The following TLK1 variants were observed in gnomAD, a reference collection of about 807,000 sequenced individuals.
TLK1 encodes tousled like kinase 1, also known as serine/threonine-protein kinase tousled-like 1.
Under a neutral mutation model 105.3 loss-of-function variants are expected in TLK1, and 24 were observed. The observed-to-expected ratio is 0.23, with a 90% CI of 0.17 to 0.32. TLK1 has a LOEUF of 0.32. Among genes scored for constraint, TLK1 ranks in the 10% least tolerant of loss-of-function variants. The pLI, the probability that TLK1 is intolerant of heterozygous loss-of-function variation, is 1.00. For missense variants in TLK1, 558 were observed against 910.5 expected (o/e 0.61, Z 4.98); for synonymous variants, 321 against 310.4 (o/e 1.03, Z -0.36).
intron 1 of TLK1, among the ~76,000 whole-genome samples, chr2:171,127,955 A>G (rs1344236): frequency 0.23 from 35,164 of 152,148 alleles, 4,378 homozygotes; most frequent in Middle Eastern, 0.34. Context: ...GTCTGACAAC[A>G]GTAAGTATAG....
At chr2:171,147,428 T>C (rs1157105383) in intron 1 of TLK1, among the ~76,000 whole-genome samples, 1 of 152,156 alleles carries the variant, frequency 6.6e-6, no homozygotes. Context: ...CAAAAAGTAA[T>C]TCACAGTTGT....
chr2:170,999,433 G>A (rs1337546250), intron 18 of TLK1, among the ~76,000 whole-genome samples: 1 of 152,156 alleles, frequency 6.6e-6, no homozygotes, highest in East Asian at 1.9e-4. Flanking sequence ...GTGTGTAACT[G>A]AAACAGGAAT....
chr2:171,165,246 A>G (rs1331016730), upstream of TLK1, among the ~76,000 whole-genome samples: 1 of 152,212 alleles, frequency 6.6e-6, no homozygotes, highest in Non-Finnish European at 1.5e-5. Flanking sequence ...GAACGTTCTG[A>G]GTGCTCCATG....
intron 1 of TLK1, among the ~76,000 whole-genome samples, chr2:171,209,405 T>C (rs907969293): frequency 1.3e-5 from 2 of 152,204 alleles, no homozygotes; most frequent in Non-Finnish European, 2.9e-5. Context: ...GAATGCTAGA[T>C]AGCGATGAAA....
chr2:171,112,588 C>T (rs1690227177), intron 2 of TLK1, among the ~76,000 whole-genome samples: 1 of 152,110 alleles, frequency 6.6e-6, no homozygotes. Context: ...CATTCAAGGT[C>T]ATGACCAAGA....
intron 1 of TLK1, among the ~76,000 whole-genome samples, chr2:171,194,385 T>C (rs1364419377): frequency 6.6e-6 from 1 of 152,232 alleles, no homozygotes; most frequent in Non-Finnish European, 1.5e-5. Flanking sequence ...AATCCTGTGA[T>C]GTTTTTTCCC....
intron 18 of TLK1, among the ~76,000 whole-genome samples, chr2:171,005,024 T>C (rs1575504852): frequency 6.6e-6 from 1 of 152,202 alleles, no homozygotes; most frequent in Non-Finnish European, 1.5e-5. Flanking sequence ...AGTGGCATCG[T>C]GTGTAAGTGG....
chr2:171,067,674 A>C (rs1378421353), intron 3 of TLK1, among the ~76,000 whole-genome samples: 1 of 152,162 alleles, frequency 6.6e-6, no homozygotes, highest in Non-Finnish European at 1.5e-5. Flanking sequence ...CAAGTTTGTT[A>C]CATAGGTATA....
In TLK1 at chr2:171,080,030, T is replaced by A. The variant is rs1014882539; in HGVS notation, c.330+2751A>T. ...GGTGGTAGGAGAAAGCAATTTTTTT[T>A]AAAAAAAAAGTAATAAACTGTCTGG... On this transcript the variant is annotated intron_variant, in intron 3 of 20. Coordinates refer to ENST00000431350, the MANE Select transcript of TLK1 (RefSeq NM_012290.5). Among the ~76,000 whole-genome samples the A allele has an allele frequency of 6.6e-5, 10 of 151,894 alleles. No homozygotes were observed. The East Asian group carries it at 9.6e-4, about 15-fold the overall frequency.
chr2:171,091,493 T>C (rs146607339), intron 2 of TLK1: 51 of 152,270 alleles, frequency 3.3e-4, no homozygotes, highest in African/African-American at 1.2e-3. Context: ...GACAGCAACA[T>C]AGTTTCTTTT....
chr2:171,178,173 A>G (rs1167001417), intron 1 of TLK1, among the ~76,000 whole-genome samples: 3 of 152,152 alleles, frequency 2.0e-5, no homozygotes, highest in Non-Finnish European at 2.9e-5. Flanking sequence ...TGCTCCTGTC[A>G]ATAAACTCTA....
chr2:171,091,402 G>A (rs1486512938), intron 2 of TLK1, among the ~76,000 whole-genome samples: 1 of 151,954 alleles, frequency 6.6e-6, no homozygotes, highest in Admixed American at 6.6e-5. Flanking sequence ...CTTAAATTTG[G>A]GATTTGAAAG....
intron 1 of TLK1, among the ~76,000 whole-genome samples, chr2:171,193,644 G>A (rs1417034192): frequency 2.1e-5 from 3 of 145,356 alleles, no homozygotes; most frequent in African/African-American, 5.2e-5. Context: ...CTCGTGATCC[G>A]CCCGCCTCAG....
chr2:171,134,331 T>C (rs1691219574), intron 1 of TLK1, among the ~76,000 whole-genome samples: 2 of 152,222 alleles, frequency 1.3e-5, no homozygotes, highest in South Asian at 4.1e-4. Flanking sequence ...GTTCTCCTCA[T>C]TCTTGCAATA....
chr2:171,121,366 TA>T, intron 1 of TLK1, among the ~76,000 whole-genome samples: 1 of 152,216 alleles, frequency 6.6e-6, no homozygotes, highest in Middle Eastern at 3.4e-3. Flanking sequence ...ACCCTGTCTC[TA>T]CAAAAAATAC....
intron 1 of TLK1, chr2:171,155,784 T>C (rs1692209165): frequency 6.6e-6 from 1 of 152,204 alleles, no homozygotes; most frequent in South Asian, 2.1e-4. Flanking sequence ...GTTCCAAGTC[T>C]AGTTGTCATA....
chr2:171,046,031 A>T, intron 11 of TLK1, 143 bp downstream of exon 11: 1 of 642,532 alleles, frequency 1.6e-6, no homozygotes, highest in Non-Finnish European at 2.4e-6. Flanking sequence ...CTATTAATTT[A>T]GAGCTAAATT....
intron 2 of TLK1, among the ~76,000 whole-genome samples, chr2:171,105,185 C>A (rs1689865191): frequency 6.6e-6 from 1 of 152,090 alleles, no homozygotes. Flanking sequence ...TTCTTCACAG[C>A]AAAGGAAACA....
At chr2:171,133,511 A>C (rs1691187087) in intron 1 of TLK1, among the ~76,000 whole-genome samples, 2 of 152,146 alleles carry the variant, frequency 1.3e-5, no homozygotes, top group Admixed American at 1.3e-4. Flanking sequence ...AGGCACGAGA[A>C]CCACCTGAAT....
Sources: allele counts gnomAD v4.1 joint callset (sites outside exome capture counted in the v4.1 genomes callset), GRCh38; gene constraint gnomAD v4.1.1; transcripts MANE v1.5; gene names NCBI Gene and HGNC (gene_info 2026-07-23, HGNC 2026-07-21).